Variants in MBD1 observed in about 807,000 individuals in gnomAD.
MBD1 encodes the protein methyl-CpG binding domain protein 1, also known as methyl-CpG-binding domain protein 1.
In MBD1, 25 loss-of-function variants were observed where a neutral mutation model predicts 82.6. The ratio of observed to expected loss-of-function variants is 0.30; its 90% CI spans 0.22 to 0.42. MBD1 has a LOEUF of 0.42. Among genes scored for constraint, MBD1 ranks in the 10% least tolerant of loss-of-function variants. The pLI is 1.00. For synonymous variants in MBD1, 301 were observed against 303.7 expected, an observed-to-expected ratio of 0.99 and a Z score of 0.09; for missense variants, 627 against 819.6, an observed-to-expected ratio of 0.76 and a Z score of 2.87.
chr18:50,271,710 G>A (rs758304060), intron 15 of MBD1, among the ~76,000 whole-genome samples, 170 bp from the exon 16 acceptor site: 1 of 152,056 alleles, frequency 6.6e-6, no homozygotes, highest in Non-Finnish European at 1.5e-5. Context: ...CTTGTACATA[G>A]TCAGATTATA....
rs142762174 is a variant in MBD1, at chr18:50,269,801, G to A, written c.*50C>T. 2.9e-5 allele frequency: 23 copies of A among 788,064 alleles called. No homozygotes were observed. The highest frequency in any genetic ancestry group is 2.5e-4 in the African/African-American group (15 of 59,226). 48.8% of individuals were successfully genotyped at this position (788,064 alleles called of 1,614,324 possible). Reference sequence around the variant, plus strand: ...CACTTTACATCCATCTTCCCTTCCCGAGTGCCTGCCCTGCAGACTTCAAGC... The same window carrying A: ...CACTTTACATCCATCTTCCCTTCCCAAGTGCCTGCCCTGCAGACTTCAAGC... On this transcript the variant is annotated 3_prime_UTR_variant, in exon 17 of 17. Coordinates refer to ENST00000269468, the MANE Select transcript of MBD1 (RefSeq NM_015846.4).
rs1355770524 is a variant in MBD1, at chr18:50,275,719, A to G, written c.673T>C (p.Cys225Arg). Residue 225 changes from cysteine to arginine, a missense_variant, in exon 8 of 17, where the codon TGT becomes CGT. Physicochemically the swap from Cys to Arg is radical, Grantham distance 180. Around this residue, in one of 6 missense-constraint regions of MBD1, gnomAD observed 228 missense variants for 318.1 expected, o/e 0.72. Coordinates refer to ENST00000269468, the MANE Select transcript of MBD1 (RefSeq NM_015846.4). ...CLRIVERSRG[C>R]GVCRGCQTQE... ...GTCTGACAGCCCCGGCATACTCCACACCCTCGGCTCTGTTGGCGGGGGGCA... is the reference window on the plus strand; with the variant it reads ...GTCTGACAGCCCCGGCATACTCCACGCCCTCGGCTCTGTTGGCGGGGGGCA... The G allele has an allele frequency of 1.2e-6, 2 of 1,613,890 alleles. No individual in the cohort carries two copies. The highest frequency in any genetic ancestry group is 1.7e-6 in the Non-Finnish European group (2 of 1,179,990).
At chr18:50,268,768 C>T, downstream of MBD1, 1 of 295,982 alleles carries the variant, frequency 3.4e-6, no homozygotes, top group African/African-American at 2.3e-5. Context: ...GATCTTCCCA[C>T]CCACTATCCC....
chr18:50,269,438 G>A lies in MBD1; in HGVS notation c.*413C>T. 2.4e-6 allele frequency: 2 copies of A among 830,126 alleles called. No individual in the cohort carries two copies. Among genetic ancestry groups the A allele is most frequent in the South Asian group, 1.7e-5 (1 of 59,408 alleles). 51.4% of individuals were successfully genotyped at this position (830,126 alleles called of 1,614,324 possible). On this transcript the variant is annotated 3_prime_UTR_variant, in exon 17 of 17. Coordinates refer to ENST00000269468, the MANE Select transcript of MBD1 (RefSeq NM_015846.4). ...ACCGGAGGGCGGAAGTGAAGCAGCA[G>A]CACATTGTTTTTACACTTGGAAGGT...
Position 50,275,685 on chromosome 18 carries a change from T to A in MBD1, c.707A>T (p.Asp236Val), listed in dbSNP as rs2037564498. ...AAGGCAGATGGGGCAATGGCCACAA[T>A]CCTCTTGGGTCTGACAGCCCCGGCA... is the stretch of plus-strand genomic sequence containing the variant. Reference protein sequence around the residue: ...GVCRGCQTQEDCGHCPICLRP... With the variant: ...GVCRGCQTQEVCGHCPICLRP... Residue 236 changes from aspartate (D) to valine (V), a missense_variant, in exon 8 of 17, where the codon GAT (aspartate) becomes GTT (valine). Physicochemically the swap from Asp to Val is radical, Grantham distance 152 (BLOSUM62 -3). Coordinates refer to ENST00000269468, the MANE Select transcript of MBD1 (RefSeq NM_015846.4). 1 of 1,613,958 alleles carries A rather than the reference T, an allele frequency of 6.2e-7. No individual in the cohort carries two copies. Among genetic ancestry groups the A allele is most frequent in the Non-Finnish European group, 8.5e-7 (1 of 1,180,018 alleles).
In MBD1 at chr18:50,269,224, A is replaced by G. The variant is rs193294898; in HGVS notation, c.*627T>C. On this transcript the variant is annotated 3_prime_UTR_variant, in exon 17 of 17. Coordinates refer to ENST00000269468, the MANE Select transcript of MBD1 (RefSeq NM_015846.4). ...AATCTCTGTACTTGCTGGAATCACC[A>G]TGAAATCCATGGTCTTCAGCTTTGC... is the stretch of plus-strand genomic sequence containing the variant. The G allele has an allele frequency of 7.4e-5, 80 of 1,076,666 alleles. No homozygotes were observed. In the African/African-American group the frequency reaches 1.2e-3, roughly 15 times the overall value. The allele number at this position is 1,076,666 out of a possible 1,614,324, so 66.7% of individuals were successfully genotyped here.
rs1312540704 is a variant in MBD1 at position 50,271,135 on chromosome 18, C to T, written c.*32+334G>A. ...ACACTGCCAGGTCTCATCCAGAAGCCACTTACAATTACTCATGAACATGGC... is the reference window on the plus strand; with the variant it reads ...ACACTGCCAGGTCTCATCCAGAAGCTACTTACAATTACTCATGAACATGGC... On this transcript the variant is annotated intron_variant, in intron 16 of 16. Transcript: ENST00000269468. The T allele has an allele frequency of 6.9e-6, 8 of 1,152,004 alleles. No individual in the cohort carries two copies. The East Asian group carries it at 2.6e-4, about 37-fold the overall frequency. 71.4% of individuals were successfully genotyped at this position (1,152,004 alleles called of 1,614,324 possible). A position where few individuals can be genotyped will look rare whatever the true frequency, so the allele number is the denominator to read the frequency against.
At chr18:50,267,524 G>A (rs2034050787), downstream of MBD1, 1 of 1,073,664 alleles carries the variant, frequency 9.3e-7, no homozygotes, top group South Asian at 1.3e-5. Flanking sequence ...GGGTCAGGAT[G>A]TGGATCAGAA....
In MBD1 at chr18:50,273,741, G is replaced by A. The variant is rs761748599; in HGVS notation, c.1269C>T (p.Pro423=). Residue 423 remains proline (P), a synonymous_variant, in exon 12 of 17, where the codon CCC becomes CCT. Coordinates refer to ENST00000269468, the MANE Select transcript of MBD1 (RefSeq NM_015846.4). ...RRHHLGPTLK[P]TLATRTAQPD... ...GTTGGGCTGTGCGTGTAGCCAAGGT[G>A]GGCTTCAAGGTAGGGCCAAGATGGT... 1 of 1,614,158 alleles carries A rather than the reference G, an allele frequency of 6.2e-7. No individual in the cohort carries two copies. Among genetic ancestry groups the A allele is most frequent in the African/African-American group, 1.3e-5 (1 of 75,066 alleles).
At position 50,272,701 on chromosome 18, in the gene MBD1, C is replaced by A. The variant is rs147372202; in HGVS notation, c.1754G>T (p.Arg585Leu). ...CCTTGGCAACCAGACTGCTGTATCT[C>A]GGAAGCGGGTTCCACCCAGGCTGAA... ...EIFSLGGTRFRDTAVWLPRSK... is the reference protein window; with the variant it reads ...EIFSLGGTRFLDTAVWLPRSK... Residue 585 changes from arginine to leucine, a missense_variant, in exon 15 of 17, where the codon CGA becomes CTA. Arg to Leu is a moderately radical substitution (Grantham distance 102, BLOSUM62 -2). Transcript: ENST00000269468. The A allele has an allele frequency of 1.2e-6, 2 of 1,614,162 alleles. No homozygotes were observed. Among genetic ancestry groups the A allele is most frequent in the South Asian group, 2.2e-5 (2 of 91,068 alleles).
In MBD1 at chr18:50,279,871, C is replaced by G. The variant is rs371566261; in HGVS notation, c.110+12G>C. The stretch of plus-strand genomic sequence containing the variant: ...ACCCCACTCCTGACTCTGCCCACTA[C>G]CCACCCAGTACCTCTGGTAATAGGT... On this transcript the variant is annotated intron_variant, in intron 2 of 16. Coordinates refer to ENST00000269468, the MANE Select transcript of MBD1 (RefSeq NM_015846.4). 1 of 1,613,724 alleles carries G rather than the reference C, an allele frequency of 6.2e-7. No individual in the cohort carries two copies. The highest frequency in any genetic ancestry group is 8.5e-7 in the Non-Finnish European group (1 of 1,179,928).
intron 13 of MBD1, 177 bp from the exon 14 acceptor site, chr18:50,273,132 T>C: frequency 8.3e-7 from 1 of 1,201,100 alleles, no homozygotes; most frequent in Non-Finnish European, 1.2e-6. Flanking sequence ...ACCTCCGTTT[T>C]TCTGTTAGCT....
chr18:50,275,318 T>C, intron 8 of MBD1, 73 bp from the exon 9 acceptor site: 1 of 1,611,254 alleles, frequency 6.2e-7, no homozygotes, highest in South Asian at 1.1e-5. Context: ...ACACCCTAAG[T>C]GCAGAAAGCA....
intron 15 of MBD1, chr18:50,272,339 G>A: frequency 2.8e-6 from 1 of 358,466 alleles, no homozygotes; most frequent in Non-Finnish European, 5.3e-6. Flanking sequence ...ATTATTCTCT[G>A]AATAAGAATT....
At chr18:50,276,129 C>T (rs757861602) in intron 6 of MBD1, 148 bp from the exon 7 acceptor site, 6 of 1,071,876 alleles carry the variant, frequency 5.6e-6, no homozygotes, top group African/African-American at 1.6e-5. Context: ...TGGTTAGTCA[C>T]CATCACTGAG....
chr18:50,267,584 C>G, downstream of MBD1: 1 of 1,529,210 alleles, frequency 6.5e-7, no homozygotes, highest in South Asian at 1.2e-5. Flanking sequence ...ACAGGAAACA[C>G]AAATCAGGGA....
At chr18:50,281,756 T>G, upstream of MBD1, 3 of 325,722 alleles carry the variant, frequency 9.2e-6, no homozygotes, top group Non-Finnish European at 1.1e-5. Context: ...GCTGCCCATC[T>G]AGCTGGCGCA....
Position 50,276,672 on chromosome 18 carries a change from T to G in MBD1, c.465A>C (p.Lys155Asn). 2 of 1,614,216 alleles carry G rather than the reference T, an allele frequency of 1.2e-6. No individual in the cohort carries two copies. The highest frequency in any genetic ancestry group is 3.3e-4 in the Middle Eastern group (2 of 6,062). ...CTGGAGGCCACTCACCTCGACAGTC[T>G]TTGCACAACGTTTTGAGCCGCTGCC... Reference protein sequence around the residue: ...TQRQRLKTLCKDCRAQRIAFN... With the variant: ...TQRQRLKTLCNDCRAQRIAFN... Residue 155 changes from lysine to asparagine, a missense_variant, in exon 5 of 17, where the codon AAA (lysine) becomes AAC (asparagine). By Grantham distance (94) the Lys-to-Asn change is moderately conservative. Around this residue, in one of 6 missense-constraint regions of MBD1, gnomAD observed 228 missense variants for 318.1 expected, o/e 0.72. Coordinates refer to ENST00000269468, the MANE Select transcript of MBD1 (RefSeq NM_015846.4).
intron 16 of MBD1, chr18:50,270,331 A>G (rs1462636102): frequency 8.5e-6 from 6 of 704,622 alleles, no homozygotes; most frequent in East Asian, 2.8e-5. Flanking sequence ...AAAGCTGGCT[A>G]ACAAATTACA....
Sources: gnomAD v4.1 joint callset for allele counts (sites outside exome capture counted in the v4.1 genomes callset) on GRCh38, gnomAD v4.1.1 for gene constraint, gnomAD v4.1.1 regional missense constraint, MANE v1.5 for transcripts, NCBI Gene and HGNC (gene_info 2026-07-23, HGNC 2026-07-21) for gene names.